Variants in DNER observed in about 807,000 individuals in gnomAD.
DNER encodes delta and Notch-like epidermal growth factor-related receptor.
DNER carries 33 observed loss-of-function variants against 78.2 expected under a neutral mutation model. That is an observed-to-expected ratio of 0.42 (90% confidence interval 0.32 to 0.56). The LOEUF (loss-of-function observed/expected upper bound fraction) is 0.56. Among genes scored for constraint, DNER ranks in the 20% least tolerant of loss-of-function variants. The probability of loss-of-function intolerance (pLI) is 0.11; values close to 1 mark genes in which losing one functional copy is unlikely to be tolerated. For synonymous variants in DNER, 417 were observed against 384.8 expected (o/e 1.08, Z -0.98); for missense variants, 918 against 975.3 (o/e 0.94, Z 0.78).
intron 9 of DNER, among the ~76,000 whole-genome samples, chr2:229,407,719 T>C (rs1693418577): frequency 6.6e-6 from 1 of 152,146 alleles, no homozygotes; most frequent in Non-Finnish European, 1.5e-5. Flanking sequence ...GAAAATATAA[T>C]ATTAGCAACC....
intron 1 of DNER, among the ~76,000 whole-genome samples, chr2:229,646,360 G>C (rs1293226876): frequency 1.3e-5 from 2 of 152,168 alleles, no homozygotes; most frequent in African/African-American, 4.8e-5. Context: ...AACACAGATG[G>C]CTTGCAATGC....
chr2:229,462,329 T>G (rs1321150218), intron 7 of DNER, among the ~76,000 whole-genome samples: 1 of 152,092 alleles, frequency 6.6e-6, no homozygotes, highest in African/African-American at 2.4e-5. Flanking sequence ...AAAGTGACAC[T>G]GGCATTTTTT....
At chr2:229,615,995 T>C (rs1277626038) in intron 1 of DNER, among the ~76,000 whole-genome samples, 1 of 152,240 alleles carries the variant, frequency 6.6e-6, no homozygotes, top group African/African-American at 2.4e-5. Flanking sequence ...CCCCTTTTAC[T>C]GGAAAACAAG....
intron 6 of DNER, among the ~76,000 whole-genome samples, chr2:229,493,320 A>G (rs1268573839): frequency 6.6e-6 from 1 of 152,204 alleles, no homozygotes; most frequent in East Asian, 1.9e-4. Context: ...AACTTGTATC[A>G]CCGCTATTCT....
intron 1 of DNER, among the ~76,000 whole-genome samples, chr2:229,656,642 T>C (rs1263554008): frequency 6.6e-6 from 1 of 152,218 alleles, no homozygotes; most frequent in Non-Finnish European, 1.5e-5. Context: ...ACTGCCTTGA[T>C]AGCCACACTT....
At chr2:229,494,488 T>C (rs926768012) in intron 6 of DNER, among the ~76,000 whole-genome samples, 3 of 152,196 alleles carry the variant, frequency 2.0e-5, no homozygotes, top group Non-Finnish European at 4.4e-5. Flanking sequence ...GCAAAATCCA[T>C]CAGAACGTAA....
chr2:229,564,157 ACAT>A (rs1460124813), intron 4 of DNER, among the ~76,000 whole-genome samples: 2 of 96,312 alleles, frequency 2.1e-5, no homozygotes, highest in African/African-American at 8.1e-5. Context: ...ATCATCATCA[ACAT>A]CATCACCCCA....
intron 8 of DNER, among the ~76,000 whole-genome samples, chr2:229,428,743 G>A (rs1258859407): frequency 2.0e-5 from 3 of 152,020 alleles, no homozygotes; most frequent in Non-Finnish European, 2.9e-5. Context: ...CATTGAACTA[G>A]TTGCTGAGGG....
chr2:229,568,853 C>T (rs1361809420), intron 4 of DNER, among the ~76,000 whole-genome samples: 1 of 152,194 alleles, frequency 6.6e-6, no homozygotes, highest in Non-Finnish European at 1.5e-5. Flanking sequence ...TGAGCCACCA[C>T]ACCTGGCCCT....
chr2:229,378,552 G>A (rs73096284), intron 11 of DNER, among the ~76,000 whole-genome samples: 4,462 of 152,274 alleles, frequency 0.029, 96 homozygotes, highest in African/African-American at 0.059. Context: ...TCGAGTTAAT[G>A]GAAGCCTCCT....
intron 10 of DNER, among the ~76,000 whole-genome samples, chr2:229,407,002 T>A (rs1411197023): frequency 6.6e-6 from 1 of 152,240 alleles, no homozygotes; most frequent in Non-Finnish European, 1.5e-5. Context: ...GTAATGATAG[T>A]CTTTGTAAGT....
chr2:229,458,516 A>AT (rs1694626297), intron 7 of DNER, among the ~76,000 whole-genome samples: 1 of 152,034 alleles, frequency 6.6e-6, no homozygotes, highest in Non-Finnish European at 1.5e-5. Context: ...GAAATAAGTC[A>AT]TTTTAATAGA....
At chr2:229,549,846 G>T (rs1009839451) in intron 4 of DNER, among the ~76,000 whole-genome samples, 1 of 151,798 alleles carries the variant, frequency 6.6e-6, no homozygotes, top group Non-Finnish European at 1.5e-5. Context: ...GGGAGGCAGA[G>T]GTTGCAGTGA....
chr2:229,456,200 GT>G (rs1197978382), intron 7 of DNER, among the ~76,000 whole-genome samples: 1 of 151,844 alleles, frequency 6.6e-6, no homozygotes, highest in Non-Finnish European at 1.5e-5. Flanking sequence ...GAAAGCTGGC[GT>G]ATCACAGGGT....
intron 6 of DNER, among the ~76,000 whole-genome samples, chr2:229,510,478 C>A (rs181321862): frequency 6.6e-6 from 1 of 152,128 alleles, no homozygotes; most frequent in Non-Finnish European, 1.5e-5. Context: ...GGGCAAAGGC[C>A]ACTAGCCTGA....
At position 229,460,156 on chromosome 2, in the gene DNER, CAAAAAAA is replaced by C. The variant is rs5839331; in HGVS notation, c.1262-12623_1262-12617del. Among the ~76,000 whole-genome samples, 308 of 85,492 alleles carry C rather than the reference CAAAAAAA, an allele frequency of 3.6e-3. 3 individuals are homozygous for C. Among genetic ancestry groups the C allele is most frequent in the African/African-American group, 0.011 (265 of 23,526 alleles). 56.1% of individuals were successfully genotyped at this position (85,492 alleles called of 152,430 possible). A position where few individuals can be genotyped will look rare whatever the true frequency, so the allele number is the denominator to read the frequency against. ...TGGGTGACAGAGTGAGACTCCGTCT[CAAAAAAA>C]AAAAAAAAAAAAAAAAAAATTATGA... On this transcript the variant is annotated intron_variant, in intron 7 of 12. Transcript: ENST00000341772.
chr2:229,625,750 C>T (rs138378065), intron 1 of DNER, among the ~76,000 whole-genome samples: 1 of 152,184 alleles, frequency 6.6e-6, no homozygotes, highest in African/African-American at 2.4e-5. Flanking sequence ...AACCACTTAC[C>T]GTGAGCCTTG....
At chr2:229,558,430 G>C (rs1354379634) in intron 4 of DNER, among the ~76,000 whole-genome samples, 1 of 151,938 alleles carries the variant, frequency 6.6e-6, no homozygotes, top group East Asian at 1.9e-4. Flanking sequence ...AAATGTCAAG[G>C]GTTCTTATAT....
chr2:229,633,304 G>A (rs181101133), intron 1 of DNER, among the ~76,000 whole-genome samples: 1 of 152,240 alleles, frequency 6.6e-6, no homozygotes, highest in Admixed American at 6.5e-5. Flanking sequence ...GGTGTGTTAA[G>A]GAAAGAAGCA....
Sources: allele counts gnomAD v4.1 joint callset (sites outside exome capture counted in the v4.1 genomes callset), GRCh38; gene constraint gnomAD v4.1.1; transcripts MANE v1.5; gene names NCBI Gene and HGNC (gene_info 2026-07-23, HGNC 2026-07-21).